CEP112: variants seen among roughly 807,000 people sequenced by gnomAD.
The protein encoded by CEP112 is centrosomal protein of 112 kDa.
CEP112 carries 127 observed loss-of-function variants against 153.0 expected under a neutral mutation model. The ratio of observed to expected loss-of-function variants is 0.83; its 90% CI spans 0.72 to 0.96. The LOEUF (loss-of-function observed/expected upper bound fraction) is 0.96. CEP112 is among the 40% of genes least tolerant of loss of function. The pLI, the probability that CEP112 is intolerant of heterozygous loss-of-function variation, is 0.00. For missense variants in CEP112, 1,089 were observed against 1,101.2 expected, an observed-to-expected ratio of 0.99 and a Z score of 0.16; for synonymous variants, 358 against 374.4, an observed-to-expected ratio of 0.96 and a Z score of 0.51.
intron 20 of CEP112, among the ~76,000 whole-genome samples, chr17:65,891,618 G>A (rs965382162): frequency 1.3e-5 from 2 of 152,050 alleles, no homozygotes; most frequent in African/African-American, 4.8e-5. Context: ...CAAACAGAGC[G>A]ATCTGTAAAA....
chr17:65,699,929 T>C (rs547847402), intron 23 of CEP112, among the ~76,000 whole-genome samples: 2 of 152,332 alleles, frequency 1.3e-5, no homozygotes, highest in South Asian at 4.1e-4. Context: ...AGGTCAGCGA[T>C]GATTCTCTTA....
At chr17:66,023,970 A>G (rs2065099288) in intron 16 of CEP112, among the ~76,000 whole-genome samples, 1 of 152,194 alleles carries the variant, frequency 6.6e-6, no homozygotes, top group Non-Finnish European at 1.5e-5. Context: ...ATAATACACC[A>G]TGATCAAGTG....
chr17:65,806,624 G>A (rs565120149), intron 21 of CEP112, among the ~76,000 whole-genome samples: 2 of 152,326 alleles, frequency 1.3e-5, no homozygotes, highest in African/African-American at 4.8e-5. Context: ...GTGATAGTGA[G>A]TGAGTTTTCA....
Position 66,006,524 on chromosome 17 carries a change from T to C in CEP112, c.1657-755A>G, listed in dbSNP as rs28723542. ...AGGAGGCTGAGGCAGGAGAATCGCTTGAACCCAGGAGGTGGAGGTTGCAGT... is the reference window on the plus strand; with the variant it reads ...AGGAGGCTGAGGCAGGAGAATCGCTCGAACCCAGGAGGTGGAGGTTGCAGT... On this transcript the variant is annotated intron_variant, in intron 16 of 26. Coordinates refer to ENST00000535342, the MANE Select transcript of CEP112 (RefSeq NM_001199165.4). Among the ~76,000 whole-genome samples the C allele has an allele frequency of 5.3e-3, 809 of 152,050 alleles. 10 individuals carry two copies. Among genetic ancestry groups the C allele is most frequent in the African/African-American group, 0.019 (778 of 41,470 alleles).
chr17:65,761,950 T>C (rs2052639715), intron 21 of CEP112, among the ~76,000 whole-genome samples: 1 of 152,156 alleles, frequency 6.6e-6, no homozygotes, highest in African/African-American at 2.4e-5. Context: ...CTTACTGATT[T>C]TTCTGCCTGC....
chr17:65,979,545 G>T lies in CEP112; in HGVS notation c.1737-17947C>A, dbSNP rs578221971. On this transcript the variant is annotated intron_variant, in intron 17 of 26. Transcript: ENST00000535342. Reference sequence around the variant, plus strand: ...GTGAGGCCACTGTGTCTGGCCTTAGGCTCTTTCTAAATGGTAGGGATAACT... The same window carrying T: ...GTGAGGCCACTGTGTCTGGCCTTAGTCTCTTTCTAAATGGTAGGGATAACT... Among the ~76,000 whole-genome samples the T allele has an allele frequency of 9.9e-4, 150 of 152,168 alleles. 1 individual carries two copies. Among genetic ancestry groups the T allele is most frequent in the Admixed American group, 2.4e-3 (36 of 15,284 alleles).
At chr17:65,749,566 G>T (rs1364953858) in intron 22 of CEP112, among the ~76,000 whole-genome samples, 4 of 152,066 alleles carry the variant, frequency 2.6e-5, no homozygotes, top group African/African-American at 9.7e-5. Flanking sequence ...GGCCAGGCTG[G>T]TAGTGTTAAG....
At chr17:65,871,118 G>T (rs1352170045) in intron 20 of CEP112, among the ~76,000 whole-genome samples, 1 of 152,156 alleles carries the variant, frequency 6.6e-6, no homozygotes, top group African/African-American at 2.4e-5. Flanking sequence ...TAAAGTTTTG[G>T]TTGCTTAAAT....
chr17:65,969,391 A>G (rs1541603), intron 17 of CEP112, among the ~76,000 whole-genome samples: 73,084 of 151,866 alleles, frequency 0.48, 18,549 homozygotes, highest in East Asian at 0.89. Context: ...ATTGCATAAT[A>G]CATACCACAT....
At chr17:66,108,867 T>C (rs1237662559) in intron 6 of CEP112, among the ~76,000 whole-genome samples, 2 of 152,170 alleles carry the variant, frequency 1.3e-5, no homozygotes, top group East Asian at 3.9e-4. Flanking sequence ...GCACGCTAAG[T>C]ATCCATCAAC....
At chr17:65,941,550 A>T (rs2061504014) in intron 18 of CEP112, 1 of 152,222 alleles carries the variant, frequency 6.6e-6, no homozygotes, top group Non-Finnish European at 1.5e-5. Flanking sequence ...CAGCGTTCTC[A>T]GTTGCCATAG....
At chr17:66,136,078 T>A (rs555081562) in intron 4 of CEP112, among the ~76,000 whole-genome samples, 94 of 152,270 alleles carry the variant, frequency 6.2e-4, no homozygotes, top group Non-Finnish European at 1.2e-3. Context: ...CCAACCACAC[T>A]GAAGCCAGTA....
intron 1 of CEP112, 82 bp from the exon 2 acceptor site, chr17:66,183,389 C>A: frequency 3.1e-6 from 3 of 959,880 alleles, no homozygotes; most frequent in South Asian, 3.4e-5. Flanking sequence ...AAAAAAAACT[C>A]TTAAGTGTTA....
intron 6 of CEP112, among the ~76,000 whole-genome samples, chr17:66,126,074 G>C (rs1206292988): frequency 6.6e-6 from 1 of 152,166 alleles, no homozygotes; most frequent in Non-Finnish European, 1.5e-5. Context: ...AATTCAAAGA[G>C]AGACAGGATG....
intron 6 of CEP112, among the ~76,000 whole-genome samples, chr17:66,117,424 A>T (rs2069352501): frequency 6.6e-6 from 1 of 152,214 alleles, no homozygotes; most frequent in South Asian, 2.1e-4. Flanking sequence ...CCAAAAAAAA[A>T]ATAAAATGTT....
At chr17:65,904,250 A>G (rs2143629172) in intron 19 of CEP112, among the ~76,000 whole-genome samples, 1 of 152,370 alleles carries the variant, frequency 6.6e-6, no homozygotes, top group South Asian at 2.1e-4. Flanking sequence ...CAACTTCAGC[A>G]AAGTCTCAGG....
chr17:66,043,536 C>T (rs574931547), intron 12 of CEP112, among the ~76,000 whole-genome samples: 2 of 152,162 alleles, frequency 1.3e-5, no homozygotes, highest in East Asian at 3.9e-4. Context: ...GTCCATGGTA[C>T]AAAAGATGTT....
intron 2 of CEP112, among the ~76,000 whole-genome samples, chr17:66,181,243 ATTGC>A (rs2072707755): frequency 6.6e-6 from 1 of 152,186 alleles, no homozygotes; most frequent in Non-Finnish European, 1.5e-5. Context: ...TGAGTTTCAG[ATTGC>A]TTATTATAAA....
chr17:65,923,929 T>C (rs2060824000), intron 19 of CEP112, among the ~76,000 whole-genome samples: 1 of 152,206 alleles, frequency 6.6e-6, no homozygotes, highest in Non-Finnish European at 1.5e-5. Flanking sequence ...AGATTTATAT[T>C]AATCTTTTTA....
Sources: gnomAD v4.1 joint callset for allele counts (sites outside exome capture counted in the v4.1 genomes callset) on GRCh38, gnomAD v4.1.1 for gene constraint, MANE v1.5 for transcripts, NCBI Gene and HGNC (gene_info 2026-07-23, HGNC 2026-07-21) for gene names.